Variants in DNM3 observed in about 807,000 individuals in gnomAD.
DNM3 encodes dynamin 3.
In DNM3, 47 loss-of-function variants were observed where a neutral mutation model predicts 101.6. The ratio of observed to expected loss-of-function variants is 0.46; its 90% CI spans 0.37 to 0.59. DNM3 has a LOEUF of 0.59. Among genes scored for constraint, DNM3 ranks in the 20% least tolerant of loss-of-function variants. The probability of loss-of-function intolerance (pLI) is 0.00; values close to 1 mark genes in which losing one functional copy is unlikely to be tolerated. For missense variants in DNM3, 849 were observed against 1,085.7 expected, an observed-to-expected ratio of 0.78 and a Z score of 3.06; for synonymous variants, 385 against 387.9, an observed-to-expected ratio of 0.99 and a Z score of 0.09.
intron 1 of DNM3, among the ~76,000 whole-genome samples, chr1:171,874,396 GT>G (rs2035571280): frequency 6.6e-6 from 1 of 152,170 alleles, no homozygotes; most frequent in Non-Finnish European, 1.5e-5. Context: ...GAAATTAATT[GT>G]GGCATTGGTA....
chr1:172,154,790 T>C (rs142383066), intron 14 of DNM3, among the ~76,000 whole-genome samples: 5 of 152,198 alleles, frequency 3.3e-5, no homozygotes, highest in African/African-American at 1.2e-4. Context: ...AACTATGACA[T>C]GTGCTTCAGT....
intron 16 of DNM3, 45 bp downstream of exon 16, chr1:172,308,884 C>T (rs761106163): frequency 1.6e-5 from 19 of 1,178,254 alleles, no homozygotes; most frequent in African/African-American, 6.2e-5. Flanking sequence ...ATTAGCTATG[C>T]TTAAGAAAAT....
At chr1:172,067,343 T>C (rs1197251396) in intron 10 of DNM3, among the ~76,000 whole-genome samples, 2 of 152,198 alleles carry the variant, frequency 1.3e-5, no homozygotes, top group Non-Finnish European at 2.9e-5. Context: ...GTGCCCACTT[T>C]TCTCCATTTC....
intron 1 of DNM3, among the ~76,000 whole-genome samples, chr1:171,915,345 G>A (rs1224134694): frequency 6.6e-6 from 1 of 152,188 alleles, no homozygotes; most frequent in Non-Finnish European, 1.5e-5. Context: ...ATAGGAGGGT[G>A]CTCAAATTAG....
chr1:172,152,596 A>G (rs993556192), intron 14 of DNM3, among the ~76,000 whole-genome samples: 2 of 152,128 alleles, frequency 1.3e-5, no homozygotes, highest in Non-Finnish European at 1.5e-5. Flanking sequence ...TGCATGTTGT[A>G]GATTCAGACA....
rs954373579 is a variant in DNM3, at chr1:172,411,966, T to C, written c.*4125T>C. ...TTACTCATCCTGTCTGGTTGCTATG[T>C]TTAAAATTATGTGGTGCTGTGTAGG... On this transcript the variant is annotated 3_prime_UTR_variant, in exon 21 of 21. Coordinates refer to ENST00000627582, the MANE Select transcript of DNM3 (RefSeq NM_015569.5). The C allele has an allele frequency of 3.0e-5, 30 of 985,694 alleles. No homozygotes were observed. Among genetic ancestry groups the C allele is most frequent in the Non-Finnish European group, 3.5e-5 (29 of 829,876 alleles). 61.1% of individuals were successfully genotyped at this position (985,694 alleles called of 1,614,324 possible).
chr1:171,864,559 G>A (rs1359879069), intron 1 of DNM3: 2 of 152,222 alleles, frequency 1.3e-5, no homozygotes. Context: ...AGCATAGTGT[G>A]TTAAGTGGAG....
chr1:172,319,787 C>G (rs2065601998), intron 16 of DNM3, among the ~76,000 whole-genome samples: 1 of 152,142 alleles, frequency 6.6e-6, no homozygotes, highest in African/African-American at 2.4e-5. Flanking sequence ...GTTGGTGGGA[C>G]TGTAAACTAG....
intron 2 of DNM3, among the ~76,000 whole-genome samples, chr1:171,963,685 A>T (rs1220940559): frequency 6.6e-6 from 1 of 151,760 alleles, no homozygotes; most frequent in Non-Finnish European, 1.5e-5. Context: ...CTGCTCTAAA[A>T]ATGGTCTTTT....
intron 1 of DNM3, among the ~76,000 whole-genome samples, chr1:171,848,836 T>G (rs1449011386): frequency 1.3e-5 from 2 of 152,160 alleles, no homozygotes; most frequent in Non-Finnish European, 2.9e-5. Context: ...AACAGAGCAG[T>G]TGTTGAGGAA....
At position 172,405,507 on chromosome 1, in the gene DNM3, C is replaced by T. The variant is rs2070811734; in HGVS notation, c.2523-2265C>T. 3.3e-5 allele frequency among the ~76,000 whole-genome samples: 5 copies of T among 152,028 alleles called. No individual in the cohort carries two copies. In the South Asian group the frequency reaches 1.0e-3, roughly 31 times the overall value. On this transcript the variant is annotated intron_variant, in intron 20 of 20. Transcript: ENST00000627582. The stretch of plus-strand genomic sequence containing the variant: ...AGAAGTCAGTTTCATTCCTTTCTCT[C>T]TTGGCTACAAGCCTTGATCCAAGCT...
chr1:172,093,262 G>T (rs532624331), intron 13 of DNM3, among the ~76,000 whole-genome samples: 1 of 152,230 alleles, frequency 6.6e-6, no homozygotes, highest in Non-Finnish European at 1.5e-5. Context: ...TCACACATTT[G>T]CACAGCTTGG....
At chr1:171,882,835 A>C (rs979204002) in intron 1 of DNM3, among the ~76,000 whole-genome samples, 1 of 152,022 alleles carries the variant, frequency 6.6e-6, no homozygotes, top group African/African-American at 2.4e-5. Flanking sequence ...TAATTTGAAA[A>C]ACATGGAAAT....
intron 20 of DNM3, among the ~76,000 whole-genome samples, chr1:172,401,513 A>G (rs1354559583): frequency 6.6e-6 from 1 of 152,140 alleles, no homozygotes; most frequent in Non-Finnish European, 1.5e-5. Context: ...TTTTCTCCCT[A>G]TGTTCTGATT....
chr1:172,089,520 AAG>A (rs2053764716), intron 12 of DNM3, among the ~76,000 whole-genome samples: 1 of 152,244 alleles, frequency 6.6e-6, no homozygotes, highest in Non-Finnish European at 1.5e-5. Flanking sequence ...AATTATGAGA[AAG>A]AATGTATTCT....
chr1:171,993,227 G>C (rs1156769364), intron 4 of DNM3, among the ~76,000 whole-genome samples: 1 of 151,998 alleles, frequency 6.6e-6, no homozygotes, highest in African/African-American at 2.4e-5. Context: ...TTACTGTCCA[G>C]TGTCCTTTTT....
intron 14 of DNM3, among the ~76,000 whole-genome samples, chr1:172,187,840 G>A (rs1436243631): frequency 6.6e-6 from 1 of 151,928 alleles, no homozygotes; most frequent in Non-Finnish European, 1.5e-5. Context: ...ATATCCTGTT[G>A]CTCTTCACTT....
At chr1:171,878,234 A>G (rs2035953712) in intron 1 of DNM3, among the ~76,000 whole-genome samples, 1 of 152,192 alleles carries the variant, frequency 6.6e-6, no homozygotes, top group South Asian at 2.1e-4. Context: ...CACAGATTGA[A>G]AAAAACCATG....
At chr1:172,045,427 A>G (rs2049715804) in intron 9 of DNM3, among the ~76,000 whole-genome samples, 2 of 152,078 alleles carry the variant, frequency 1.3e-5, no homozygotes, top group African/African-American at 4.8e-5. Flanking sequence ...CTCATGTGGC[A>G]GAGAGAAAGC....
Sources: gnomAD v4.1 joint callset for allele counts (sites outside exome capture counted in the v4.1 genomes callset) on GRCh38, gnomAD v4.1.1 for gene constraint, MANE v1.5 for transcripts, NCBI Gene and HGNC (gene_info 2026-07-23, HGNC 2026-07-21) for gene names.